LIPK: variants seen among roughly 807,000 people sequenced by gnomAD.
The protein encoded by LIPK is lipase member K.
In LIPK, 32 loss-of-function variants were observed where a neutral mutation model predicts 48.6. The observed-to-expected ratio is 0.66, with a 90% CI of 0.50 to 0.88. The LOEUF (loss-of-function observed/expected upper bound fraction) is 0.88, where lower values mean the gene tolerates loss of function less well. Among genes scored for constraint, LIPK ranks in the 40% least tolerant of loss-of-function variants. LIPK has a pLI of 0.00. For synonymous variants in LIPK, 164 were observed against 157.4 expected (o/e 1.04, Z -0.32); for missense variants, 507 against 478.5 (o/e 1.06, Z -0.56).
At chr10:88,731,962 G>A (rs1029775714) in intron 4 of LIPK, among the ~76,000 whole-genome samples, 2 of 152,184 alleles carry the variant, frequency 1.3e-5, no homozygotes, top group Non-Finnish European at 2.9e-5. Context: ...AGTAGGCCTC[G>A]ACAAATCAAA....
chr10:88,722,889 C>CTTTTTTTTTTTTTTTTTTTTTTTT (rs398014386), intron 1 of LIPK, among the ~76,000 whole-genome samples: 42 of 113,166 alleles, frequency 3.7e-4, no homozygotes, highest in African/African-American at 6.2e-4. Flanking sequence ...TTTCTTTTTT[C>CTTTTTTTTTTTTTTTTTTTTTTTT]TTTTTTTTTT....
intron 8 of LIPK, 82 bp downstream of exon 8, chr10:88,740,149 G>T: frequency 3.2e-6 from 3 of 945,616 alleles, no homozygotes; most frequent in Admixed American, 4.8e-5. Flanking sequence ...TCACTGCAGG[G>T]TTCTGCTGGC....
At chr10:88,715,023 CTGTA>C (rs1842090998) in intron 1 of LIPK, among the ~76,000 whole-genome samples, 1 of 151,984 alleles carries the variant, frequency 6.6e-6, no homozygotes, top group Admixed American at 6.6e-5. Context: ...AGTACTTTGG[CTGTA>C]TGTCAAATTT....
intron 8 of LIPK, 133 bp downstream of exon 8, chr10:88,740,200 A>C: frequency 2.1e-6 from 1 of 483,814 alleles, no homozygotes; most frequent in Non-Finnish European, 3.6e-6. Flanking sequence ...ATCAGCATCA[A>C]CTCTTCATTT....
intron 1 of LIPK, among the ~76,000 whole-genome samples, chr10:88,713,032 A>G (rs183646380): frequency 6.6e-6 from 1 of 152,224 alleles, no homozygotes; most frequent in Non-Finnish European, 1.5e-5. Context: ...TCATTTAAAG[A>G]AATGAAATAC....
At chr10:88,742,277 C>A (rs982896048) in intron 8 of LIPK, among the ~76,000 whole-genome samples, 3 of 152,172 alleles carry the variant, frequency 2.0e-5, no homozygotes, top group African/African-American at 7.2e-5. Flanking sequence ...TCCTAGAGCC[C>A]AAGTTCCTAA....
In LIPK at chr10:88,731,080, A is replaced by T. The variant is rs536050350; in HGVS notation, c.321A>T (p.Ala107=). ...LPNNSLAFLL[A]DSGYDVWLGN... ...ACAACAGTTTGGCTTTCCTTCTGGC[A>T]GATAGTGGTTATGACGTGTGGTTGG... Residue 107 remains alanine (A), a synonymous_variant, in exon 4 of 10, where the codon GCA becomes GCT. Transcript: ENST00000404190. 1.5e-5 allele frequency: 24 copies of T among 1,606,596 alleles called. No individual in the cohort carries two copies. The highest frequency in any genetic ancestry group is 4.0e-5 in the African/African-American group (3 of 74,848).
At chr10:88,734,662 T>C (rs1842535285) in intron 6 of LIPK, among the ~76,000 whole-genome samples, 1 of 152,138 alleles carries the variant, frequency 6.6e-6, no homozygotes, top group South Asian at 2.1e-4. Context: ...ATGGAGTTAT[T>C]GTTAACACAT....
rs753196595 is a variant in LIPK at position 88,739,999 on chromosome 10, C to T, written c.820C>T (p.Arg274Cys). Residue 274 changes from arginine to cysteine, a missense_variant, in exon 8 of 10, where the codon CGC becomes TGC. Arg to Cys is a radical substitution (Grantham distance 180). Coordinates refer to ENST00000404190, the MANE Select transcript of LIPK (RefSeq NM_001080518.2). ...ATGAGAAGTAATCTCTTTGCAGAGT[C>T]GCTTGGATGTTTATTTGTCACACAA... is the stretch of plus-strand genomic sequence containing the variant. ...GFDPQNLNMS[R>C]LDVYLSHNPA... 4.3e-5 allele frequency: 69 copies of T among 1,610,102 alleles called. No individual in the cohort carries two copies. The highest frequency in any genetic ancestry group is 1.3e-4 in the South Asian group (12 of 90,718).
At chr10:88,739,192 C>T (rs1035878816) in intron 7 of LIPK, among the ~76,000 whole-genome samples, 9 of 152,142 alleles carry the variant, frequency 5.9e-5, no homozygotes, top group Non-Finnish European at 1.0e-4. Context: ...TTCTGTTACA[C>T]AAAATTTCAG....
intron 9 of LIPK, among the ~76,000 whole-genome samples, chr10:88,752,046 T>C (rs1842872542): frequency 6.6e-6 from 1 of 152,172 alleles, no homozygotes; most frequent in Non-Finnish European, 1.5e-5. Context: ...ACTGACTCCT[T>C]TTTAGCATCA....
chr10:88,717,190 A>G (rs1410007227), intron 1 of LIPK, among the ~76,000 whole-genome samples: 2 of 152,216 alleles, frequency 1.3e-5, no homozygotes, highest in African/African-American at 4.8e-5. Context: ...ACCATCTGCT[A>G]AATACCTGGT....
intron 6 of LIPK, 110 bp from the exon 7 acceptor site, chr10:88,737,525 C>T: frequency 1.8e-6 from 2 of 1,093,524 alleles, no homozygotes; most frequent in Non-Finnish European, 2.7e-6. Flanking sequence ...TAAGGACCAA[C>T]ACTGAGCAGA....
intron 1 of LIPK, among the ~76,000 whole-genome samples, chr10:88,721,834 C>T (rs1280130915): frequency 6.6e-6 from 1 of 152,132 alleles, no homozygotes; most frequent in Non-Finnish European, 1.5e-5. Flanking sequence ...GAGAGAAGAC[C>T]AATTTTTACA....
At chr10:88,745,535 C>T (rs961776206) in intron 9 of LIPK, among the ~76,000 whole-genome samples, 2 of 152,060 alleles carry the variant, frequency 1.3e-5, no homozygotes, top group East Asian at 1.9e-4. Flanking sequence ...ACAAACTAAG[C>T]TTTATAAGTG....
intron 1 of LIPK, among the ~76,000 whole-genome samples, chr10:88,723,187 A>G (rs1324985174): frequency 1.3e-5 from 2 of 151,912 alleles, no homozygotes; most frequent in African/African-American, 2.4e-5. Flanking sequence ...GCCCAGCCCA[A>G]TATTTCCTAC....
chr10:88,750,841 C>T (rs411101), intron 9 of LIPK, among the ~76,000 whole-genome samples: 36,268 of 151,938 alleles, frequency 0.24, 4,490 homozygotes, highest in East Asian at 0.37. Context: ...CAGAATACGA[C>T]CCAGGTTTCC....
At chr10:88,723,346 T>C (rs1172064963) in intron 1 of LIPK, among the ~76,000 whole-genome samples, 1 of 151,118 alleles carries the variant, frequency 6.6e-6, no homozygotes, top group Non-Finnish European at 1.5e-5. Context: ...ATTGCTGCCA[T>C]AGAGTTGCAC....
intron 1 of LIPK, among the ~76,000 whole-genome samples, chr10:88,719,400 G>A (rs893018056): frequency 6.6e-6 from 1 of 152,228 alleles, no homozygotes. Context: ...TAGTGATGGA[G>A]TTGAGACACA....
Sources: allele counts gnomAD v4.1 joint callset (sites outside exome capture counted in the v4.1 genomes callset), GRCh38; gene constraint gnomAD v4.1.1; transcripts MANE v1.5; gene names NCBI Gene and HGNC (gene_info 2026-07-23, HGNC 2026-07-21).